Variants in ASTN2 observed in about 807,000 individuals in gnomAD.
ASTN2 encodes the protein astrotactin-2.
A neutral mutation model predicts 139.8 loss-of-function variants in ASTN2; 54 were observed. The observed-to-expected ratio is 0.39, with a 90% confidence interval of 0.31 to 0.48. The LOEUF is 0.48. Among genes scored for constraint, ASTN2 ranks in the 20% least tolerant of loss-of-function variants. ASTN2 has a pLI of 0.95. For synonymous variants in ASTN2, 756 were observed against 719.5 expected (o/e 1.05, Z -0.81); for missense variants, 1,565 against 1,725.1 (o/e 0.91, Z 1.64).
At chr9:116,633,610 T>C (rs1306554719) in intron 17 of ASTN2, among the ~76,000 whole-genome samples, 2 of 152,220 alleles carry the variant, frequency 1.3e-5, no homozygotes, top group African/African-American at 4.8e-5. Context: ...CATCTCTAAA[T>C]GCTAGCTTAA....
chr9:116,616,778 A>G (rs1352266357), intron 19 of ASTN2, among the ~76,000 whole-genome samples: 3 of 89,030 alleles, frequency 3.4e-5, no homozygotes, highest in Non-Finnish European at 4.9e-5. Context: ...CAGAAGGACA[A>G]AGACACACAC....
intron 1 of ASTN2, among the ~76,000 whole-genome samples, chr9:117,332,970 G>T (rs1000588004): frequency 6.6e-6 from 1 of 152,166 alleles, no homozygotes; most frequent in Non-Finnish European, 1.5e-5. Context: ...TTGCTTAGGG[G>T]AGTGGGTAGT....
chr9:116,614,618 G>A (rs61581239), intron 19 of ASTN2, among the ~76,000 whole-genome samples: 22,661 of 152,050 alleles, frequency 0.15, 1,826 homozygotes, highest in Middle Eastern at 0.2. Flanking sequence ...AACAAGAAAT[G>A]GGGAAAGGAT....
chr9:117,106,602 C>T (rs1388368269), intron 4 of ASTN2, among the ~76,000 whole-genome samples: 1 of 151,990 alleles, frequency 6.6e-6, no homozygotes, highest in East Asian at 1.9e-4. Flanking sequence ...GAAATGTTTT[C>T]AAAAATAAGA....
intron 22 of ASTN2, among the ~76,000 whole-genome samples, chr9:116,428,194 G>C (rs1473361869): frequency 2.1e-5 from 3 of 144,244 alleles, no homozygotes; most frequent in Non-Finnish European, 4.8e-5. Context: ...AGGGAAACAT[G>C]TGTTGAGCCT....
At chr9:117,061,748 G>A (rs1174414693) in intron 5 of ASTN2, among the ~76,000 whole-genome samples, 1 of 152,102 alleles carries the variant, frequency 6.6e-6, no homozygotes, top group Non-Finnish European at 1.5e-5. Flanking sequence ...AACTTTCAAT[G>A]GGAGACTGAA....
At chr9:117,259,672 C>T (rs375929705) in intron 2 of ASTN2, among the ~76,000 whole-genome samples, 24 of 152,138 alleles carry the variant, frequency 1.6e-4, no homozygotes, top group Non-Finnish European at 1.2e-4. Context: ...GAAGTCCCTG[C>T]TTTGAGTTGT....
chr9:116,849,933 G>A (rs959040231), intron 11 of ASTN2, among the ~76,000 whole-genome samples: 4 of 152,196 alleles, frequency 2.6e-5, no homozygotes, highest in Non-Finnish European at 4.4e-5. Flanking sequence ...TTCAGCTTAT[G>A]TTGAGTATAA....
intron 7 of ASTN2, among the ~76,000 whole-genome samples, chr9:117,007,242 C>G: frequency 6.6e-6 from 1 of 152,172 alleles, no homozygotes; most frequent in East Asian, 1.9e-4. Flanking sequence ...TAGCACTCCA[C>G]ATGCTTTGTA....
chr9:116,588,075 A>G (rs1172416478), intron 19 of ASTN2, among the ~76,000 whole-genome samples: 1 of 152,168 alleles, frequency 6.6e-6, no homozygotes, highest in Non-Finnish European at 1.5e-5. Flanking sequence ...TACAAAACTG[A>G]AACTCCACCC....
intron 19 of ASTN2, among the ~76,000 whole-genome samples, chr9:116,509,850 GTTGT>G (rs1490910975): frequency 6.6e-6 from 1 of 152,044 alleles, no homozygotes; most frequent in African/African-American, 2.4e-5. Flanking sequence ...ACTTGATGGG[GTTGT>G]TTCTTTTTTT....
At chr9:117,156,737 C>T (rs1394179347) in intron 3 of ASTN2, among the ~76,000 whole-genome samples, 6 of 151,964 alleles carry the variant, frequency 3.9e-5, no homozygotes, top group African/African-American at 4.8e-5. Context: ...ATTTGATAAA[C>T]GTGAACTAAA....
intron 17 of ASTN2, among the ~76,000 whole-genome samples, chr9:116,631,518 A>C (rs751849173): frequency 5.3e-5 from 8 of 152,200 alleles, no homozygotes; most frequent in Non-Finnish European, 1.2e-4. Context: ...GAAAAAGTGG[A>C]TCTCATGGAG....
chr9:117,125,964 A>G (rs538342231), intron 4 of ASTN2, among the ~76,000 whole-genome samples: 1 of 152,254 alleles, frequency 6.6e-6, no homozygotes, highest in African/African-American at 2.4e-5. Context: ...TTACCATGTG[A>G]TGGGGACAAT....
intron 2 of ASTN2, among the ~76,000 whole-genome samples, chr9:117,275,075 G>T (rs79488164): frequency 2.8e-3 from 428 of 152,278 alleles, no homozygotes; most frequent in African/African-American, 9.5e-3. Flanking sequence ...AACCACCAAA[G>T]TTCTTGCCAT....
chr9:117,400,499 A>G (rs1319134355), intron 1 of ASTN2, among the ~76,000 whole-genome samples: 1 of 152,220 alleles, frequency 6.6e-6, no homozygotes, highest in Non-Finnish European at 1.5e-5. Flanking sequence ...GAGGGACAGT[A>G]GGAACCCTGC....
chr9:117,246,328 G>T (rs1289465068), intron 2 of ASTN2, among the ~76,000 whole-genome samples: 1 of 152,106 alleles, frequency 6.6e-6, no homozygotes, highest in African/African-American at 2.4e-5. Flanking sequence ...TTAAGACATA[G>T]TGTTTTCATT....
rs141367867 is a variant in ASTN2, at chr9:117,059,487, C to T, written c.1277-19522G>A. On this transcript the variant is annotated intron_variant, in intron 5 of 22. Coordinates refer to ENST00000313400, the MANE Select transcript of ASTN2 (RefSeq NM_001365068.1). ...AATTAGCTGGGCATGGTGATGCACGCCTGTAATCCCAGCTACTAAGTAGGC... is the reference window on the plus strand; with the variant it reads ...AATTAGCTGGGCATGGTGATGCACGTCTGTAATCCCAGCTACTAAGTAGGC... Among the ~76,000 whole-genome samples the T allele has an allele frequency of 2.9e-3, 435 of 152,204 alleles. 1 individual carries two copies. The highest frequency in any genetic ancestry group is 4.7e-3 in the Non-Finnish European group (322 of 68,002).
intron 13 of ASTN2, among the ~76,000 whole-genome samples, chr9:116,758,635 G>A (rs564446497): frequency 7.2e-5 from 11 of 152,288 alleles, no homozygotes; most frequent in East Asian, 3.9e-4. Context: ...AGCTTAGTGC[G>A]TATGCAGGGA....
Sources: allele counts gnomAD v4.1 joint callset (sites outside exome capture counted in the v4.1 genomes callset), GRCh38; gene constraint gnomAD v4.1.1; transcripts MANE v1.5; gene names NCBI Gene and HGNC (gene_info 2026-07-23, HGNC 2026-07-21).